The following IL13RA2 variants were observed in gnomAD, a reference collection of about 807,000 sequenced individuals.
IL13RA2 encodes interleukin 13 receptor subunit alpha 2, also known as interleukin-13 receptor subunit alpha-2.
IL13RA2 carries 25 observed loss-of-function variants against 34.1 expected under a neutral mutation model. The ratio of observed to expected loss-of-function variants is 0.73; its 90% CI spans 0.53 to 1.03. The LOEUF is 1.03. Ranked by LOEUF, IL13RA2 falls within the 50% of genes least tolerant of loss-of-function variation. The pLI is 0.00. For missense variants in IL13RA2, 297 were observed against 280.9 expected (o/e 1.06, Z -0.41); for synonymous variants, 106 against 100.4 (o/e 1.06, Z -0.33).
intron 6 of IL13RA2, among the ~76,000 whole-genome samples, chrX:115,009,922 G>A (rs1309373787): frequency 1.8e-5 from 2 of 111,879 alleles, no homozygotes; most frequent in African/African-American, 3.2e-5. Context: ...AGAAAAGTTC[G>A]AAGACCCAAA....
At chrX:115,009,304 A>T (rs937911940) in intron 7 of IL13RA2, among the ~76,000 whole-genome samples, 2 of 111,133 alleles carry the variant, frequency 1.8e-5, no homozygotes, top group Non-Finnish European at 3.8e-5. Context: ...AATTGAAAAC[A>T]AGTGACTAGA....
Position 115,017,372 on chromosome X carries a change from T to C in IL13RA2, c.-33-70A>G, listed in dbSNP as rs2147590491. The C allele has an allele frequency of 5.8e-6, 3 of 517,649 alleles. No homozygotes were observed. The East Asian group carries it at 1.1e-4, about 19-fold the overall frequency. 42.7% of individuals were successfully genotyped at this position (517,649 alleles called of 1,213,427 possible). ...TAATCAAACTAAACGTGATTAAAAA[T>C]ACTTTGGAAAGCTCTCTGTGTGCTT... On this transcript the variant is annotated intron_variant, in intron 1 of 9. Coordinates refer to ENST00000243213, the MANE Select transcript of IL13RA2 (RefSeq NM_000640.3).
In IL13RA2 at chrX:115,013,765, T is replaced by A; in HGVS notation, c.521+4A>T. ...TATGGAATTCTAATTATAAAAATAC[T>A]TACCAGTAAAACAAGTTGTAATTGG... On this transcript the variant is annotated splice_donor_region_variant and intron_variant, in intron 5 of 9. Transcript: ENST00000243213. 1 of 1,020,360 alleles carries A rather than the reference T, an allele frequency of 9.8e-7. No homozygotes were observed. Among genetic ancestry groups the A allele is most frequent in the Non-Finnish European group, 1.4e-6 (1 of 731,433 alleles). 84.1% of individuals were successfully genotyped at this position (1,020,360 alleles called of 1,213,427 possible).
intron 3 of IL13RA2, 45 bp from the exon 4 acceptor site, chrX:115,014,619 A>C: frequency 1.0e-6 from 1 of 991,358 alleles, no homozygotes; most frequent in Non-Finnish European, 1.4e-6. Context: ...AGAAACCTCC[A>C]TGGTATAGTG....
rs371834496 is a variant in IL13RA2 at position 115,009,480 on chromosome X, G to T, written c.852+41C>A. 3.0e-5 allele frequency: 33 copies of T among 1,088,592 alleles called. No homozygotes were observed. In the Admixed American group the frequency reaches 6.8e-4, roughly 22 times the overall value. 89.7% of individuals were successfully genotyped at this position (1,088,592 alleles called of 1,213,427 possible). A position where few individuals can be genotyped will look rare whatever the true frequency, so the allele number is the denominator to read the frequency against. On this transcript the variant is annotated intron_variant, in intron 7 of 9. Coordinates refer to ENST00000243213, the MANE Select transcript of IL13RA2 (RefSeq NM_000640.3). ...TCACATTTGCTATTTTATTTAAAAG[G>T]CTGTAGTTATGATTTTCCCAAATAA...
At position 115,010,836 on chromosome X, in the gene IL13RA2, A is replaced by G. The variant is rs782263128; in HGVS notation, c.522-8T>C. Reference sequence around the variant, plus strand: ...TGATCCAAGCCCTCATACCTGTAAAATGAGTGTTGTGAGAATTGTGTTTAA... The same window carrying G: ...TGATCCAAGCCCTCATACCTGTAAAGTGAGTGTTGTGAGAATTGTGTTTAA... On this transcript the variant is annotated splice_polypyrimidine_tract_variant and splice_region_variant and intron_variant, in intron 5 of 9. Coordinates refer to ENST00000243213, the MANE Select transcript of IL13RA2 (RefSeq NM_000640.3). 1 of 946,867 alleles carries G rather than the reference A, an allele frequency of 1.1e-6. No individual in the cohort carries two copies. Among genetic ancestry groups the G allele is most frequent in the East Asian group, 3.5e-5 (1 of 28,788 alleles). The allele number at this position is 946,867 out of a possible 1,213,427, so 78.0% of individuals were successfully genotyped here.
chrX:115,010,230 C>T (rs1363249039), intron 6 of IL13RA2, among the ~76,000 whole-genome samples: 2 of 111,196 alleles, frequency 1.8e-5, no homozygotes, highest in Admixed American at 9.6e-5. Context: ...TAGAACCCAT[C>T]ACTCTCATAA....
At chrX:115,005,578 CTGATA>C (rs1556507390) in intron 8 of IL13RA2, among the ~76,000 whole-genome samples, 2 of 111,755 alleles carry the variant, frequency 1.8e-5, no homozygotes. Context: ...TTCTTATTTC[CTGATA>C]TGAGTTTGTT....
chrX:115,012,778 A>AAC (rs1491451327), intron 5 of IL13RA2, among the ~76,000 whole-genome samples: 3 of 64,842 alleles, frequency 4.6e-5, no homozygotes, highest in African/African-American at 4.4e-4. Context: ...ACAAACAAAC[A>AAC]AAAAAAAAAA....
At chrX:115,014,916 T>C (rs782532422) in intron 3 of IL13RA2, among the ~76,000 whole-genome samples, 1 of 112,084 alleles carries the variant, frequency 8.9e-6, no homozygotes, top group African/African-American at 3.2e-5. Context: ...TGGCAAATCA[T>C]GCCACATTTC....
chrX:115,010,961 A>G, intron 5 of IL13RA2, 133 bp from the exon 6 acceptor site: 1 of 336,068 alleles, frequency 3.0e-6, no homozygotes, highest in East Asian at 4.6e-5. Context: ...TTTATTAAGC[A>G]CCTACTATAT....
chrX:115,010,812 G>T lies in IL13RA2; in HGVS notation c.538C>A (p.His180Asn). The T allele has an allele frequency of 9.3e-7, 1 of 1,071,194 alleles. No homozygotes were observed. The highest frequency in any genetic ancestry group is 2.5e-5 in the South Asian group (1 of 40,193). The allele number at this position is 1,071,194 out of a possible 1,213,427, so 88.3% of individuals were successfully genotyped here. A position where few individuals can be genotyped will look rare whatever the true frequency, so the allele number is the denominator to read the frequency against. ...NLFYWYEGLD[H>N]ALQCVDYIKA... is the part of the protein sequence containing the mutation. ...ATGTAATCAACACACTGTAATGCAT[G>T]ATCCAAGCCCTCATACCTGTAAAAT... Residue 180 changes from histidine to asparagine, a missense_variant, in exon 6 of 10, where the codon CAT becomes AAT. Physicochemically the swap from His to Asn is moderately conservative, Grantham distance 68. Coordinates refer to ENST00000243213, the MANE Select transcript of IL13RA2 (RefSeq NM_000640.3).
Position 115,004,117 on chromosome X carries a change from C to A in IL13RA2, c.1117-11G>T, listed in dbSNP as rs2071675666. 1 of 960,780 alleles carries A rather than the reference C, an allele frequency of 1.0e-6. No individual in the cohort carries two copies. The highest frequency in any genetic ancestry group is 1.5e-6 in the Non-Finnish European group (1 of 672,768). 79.2% of individuals were successfully genotyped at this position (960,780 alleles called of 1,213,427 possible). A position where few individuals can be genotyped will look rare whatever the true frequency, so the allele number is the denominator to read the frequency against. On this transcript the variant is annotated splice_polypyrimidine_tract_variant and intron_variant, in intron 9 of 9. Transcript: ENST00000243213. ...GAAAAATTCTGGAATCTAGAAAGAA[C>A]TCTGTTATTAACAAGTCATCTCTAA...
chrX:115,016,362 T>TA (rs1334975626), intron 2 of IL13RA2, among the ~76,000 whole-genome samples: 24 of 110,636 alleles, frequency 2.2e-4, no homozygotes, highest in African/African-American at 7.5e-4. Context: ...GTAAGGCTGT[T>TA]AAAAAAATCT....
chrX:115,010,310 T>A (rs17095027), intron 6 of IL13RA2, among the ~76,000 whole-genome samples: 2,177 of 112,047 alleles, frequency 0.019, 65 homozygotes, highest in African/African-American at 0.066. Flanking sequence ...GGAAGAAGTA[T>A]CTTCATAATT....
Position 115,014,537 on chromosome X carries a change from A to T in IL13RA2, c.284T>A (p.Phe95Tyr). 8.4e-7 allele frequency: 1 copy of T among 1,188,302 alleles called. No homozygotes were observed. Among genetic ancestry groups the T allele is most frequent in the Non-Finnish European group, 1.1e-6 (1 of 877,998 alleles). The change falls in exon 4 of 10, where the codon TTT (phenylalanine) becomes TAT (tyrosine). Residue 95 changes from phenylalanine to tyrosine, a missense_variant. Transcript: ENST00000243213. ...CGCTTCAATGCCCTTGTTAAGATCA[A>T]ACCCATCTTTGTAATGTAGATTCTT... ...ITKNLHYKDG[F>Y]DLNKGIEAKI...
chrX:115,006,602 G>A (rs1319864238), intron 8 of IL13RA2, among the ~76,000 whole-genome samples: 1 of 111,063 alleles, frequency 9.0e-6, no homozygotes, highest in Non-Finnish European at 1.9e-5. Flanking sequence ...AGAATCGCTT[G>A]AACCCAAGAG....
At chrX:115,017,369 A>C in intron 1 of IL13RA2, 67 bp from the exon 2 acceptor site, 1 of 525,870 alleles carries the variant, frequency 1.9e-6, no homozygotes, top group Non-Finnish European at 3.3e-6. Flanking sequence ...ACGTGATTAA[A>C]AATACTTTGG....
At chrX:115,008,381 T>C (rs1483045772) in intron 7 of IL13RA2, among the ~76,000 whole-genome samples, 7 of 111,851 alleles carry the variant, frequency 6.3e-5, no homozygotes, top group African/African-American at 1.6e-4. Flanking sequence ...ACACCCAGTA[T>C]GTGGACTAGT....
Sources: allele counts gnomAD v4.1 joint callset (sites outside exome capture counted in the v4.1 genomes callset), GRCh38; gene constraint gnomAD v4.1.1; transcripts MANE v1.5; gene names NCBI Gene and HGNC (gene_info 2026-07-23, HGNC 2026-07-21).